Variants in CNOT1 observed in about 807,000 individuals in gnomAD.
CNOT1 encodes the protein CCR4-NOT transcription complex subunit 1.
Under a neutral mutation model 273.8 loss-of-function variants are expected in CNOT1, and 15 were observed. The ratio of observed to expected loss-of-function variants is 0.05; its 90% confidence interval spans 0.04 to 0.08. CNOT1 has a LOEUF of 0.08. CNOT1 is among the 10% of genes least tolerant of loss of function. CNOT1 has a pLI of 1.00. For synonymous variants in CNOT1, 1,022 were observed against 1,005.5 expected (o/e 1.02, Z -0.31); for missense variants, 1,644 against 2,912.2 (o/e 0.56, Z 10.02).
intron 43 of CNOT1, 59 bp downstream of exon 43, chr16:58,530,187 A>G (rs1301069116): frequency 2.2e-6 from 3 of 1,370,882 alleles, no homozygotes; most frequent in Admixed American, 1.9e-5. Context: ...TCAGATTCCT[A>G]AAGTGTATTT....
chr16:58,525,398 T>C, intron 45 of CNOT1, 39 bp from the exon 46 acceptor site: 1 of 1,565,704 alleles, frequency 6.4e-7, no homozygotes, highest in Non-Finnish European at 8.7e-7. Context: ...TGCTTACTCC[T>C]GCAGAGGACC....
Position 58,536,998 on chromosome 16 carries a change from A to G in CNOT1, c.5637T>C (p.Phe1879=). ...GRDSTKAFSA[F]VGQMHQQGIL... Reference sequence around the variant, plus strand: ...TTTCCAAAAGCTCTACCTGTCCAACAAATGCAGAGAAAGCTTTGGTACTGT... The same window carrying G: ...TTTCCAAAAGCTCTACCTGTCCAACGAATGCAGAGAAAGCTTTGGTACTGT... The change falls in exon 39 of 49, where the codon TTT becomes TTC. Residue 1879 remains phenylalanine, a synonymous_variant. Transcript: ENST00000317147. 6.2e-7 allele frequency: 1 copy of G among 1,614,140 alleles called. No homozygotes were observed. Among genetic ancestry groups the G allele is most frequent in the Non-Finnish European group, 8.5e-7 (1 of 1,180,024 alleles).
rs2040313953 is a variant in CNOT1 at position 58,547,944 on chromosome 16, G to T, written c.3523-262C>A. On this transcript the variant is annotated intron_variant, in intron 25 of 48. Transcript: ENST00000317147. This position sits in a 1 kb window ranked among gnomAD's most constrained non-coding sequence, Gnocchi z 4.0. The stretch of plus-strand genomic sequence containing the variant: ...AAACACATTGCACAAAATTCAAAAA[G>T]AACACAAAGTTATGTGCCAGCTATC... 6.6e-6 allele frequency among the ~76,000 whole-genome samples: 1 copy of T among 152,042 alleles called. No individual in the cohort carries two copies. Among genetic ancestry groups the T allele is most frequent in the South Asian group, 2.1e-4 (1 of 4,828 alleles).
chr16:58,550,604 T>C (rs1405276351), intron 24 of CNOT1, among the ~76,000 whole-genome samples: 1 of 152,236 alleles, frequency 6.6e-6, no homozygotes, highest in African/African-American at 2.4e-5. Flanking sequence ...ATCAACTATT[T>C]GTTTTATCAC....
At chr16:58,551,012 A>G in intron 24 of CNOT1, 120 bp downstream of exon 24, 1 of 1,513,054 alleles carries the variant, frequency 6.6e-7, no homozygotes, top group Non-Finnish European at 8.8e-7. Flanking sequence ...TTAAATATAC[A>G]TATTCCCTTT....
intron 13 of CNOT1, among the ~76,000 whole-genome samples, chr16:58,577,354 G>A (rs1039354920): frequency 1.2e-4 from 19 of 152,158 alleles, no homozygotes; most frequent in African/African-American, 4.3e-4. Flanking sequence ...AGACCATCTG[G>A]ACTGCAAATG....
intron 47 of CNOT1, 97 bp downstream of exon 47, chr16:58,523,273 G>T: frequency 1.5e-6 from 2 of 1,320,886 alleles, no homozygotes; most frequent in Non-Finnish European, 2.0e-6. Flanking sequence ...CCAACCAAAC[G>T]GATTTTCACT....
chr16:58,525,975 C>T lies in CNOT1; in HGVS notation c.6603+14G>A. 1 of 1,612,388 alleles carries T rather than the reference C, an allele frequency of 6.2e-7. No individual in the cohort carries two copies. The highest frequency in any genetic ancestry group is 8.5e-7 in the Non-Finnish European group (1 of 1,178,684). On this transcript the variant is annotated intron_variant, in intron 45 of 48. Coordinates refer to ENST00000317147, the MANE Select transcript of CNOT1 (RefSeq NM_016284.5). ...ATGGAAGACGTAGATGAGTTTTAAG[C>T]CAAACCAATTAACCTGTAGGTTGCT... is the stretch of plus-strand genomic sequence containing the variant.
intron 1 of CNOT1, among the ~76,000 whole-genome samples, chr16:58,611,519 G>A (rs376136872): frequency 2.6e-5 from 4 of 152,022 alleles, no homozygotes; most frequent in East Asian, 3.9e-4. Flanking sequence ...CTTGCTAACA[G>A]GTATTAGAAA....
At chr16:58,606,046 ATAC>A (rs1343161057) in intron 1 of CNOT1, among the ~76,000 whole-genome samples, 5 of 152,292 alleles carry the variant, frequency 3.3e-5, no homozygotes, top group South Asian at 4.1e-4. Flanking sequence ...TGACAATAAT[ATAC>A]TACAAGTCAA....
At chr16:58,570,225 G>GTT (rs2041220402) in intron 16 of CNOT1, among the ~76,000 whole-genome samples, 1 of 152,166 alleles carries the variant, frequency 6.6e-6, no homozygotes, top group Non-Finnish European at 1.5e-5. Flanking sequence ...GCTGAAACAA[G>GTT]AAAAATTCAA....
chr16:58,543,093 A>G (rs1305487067), intron 31 of CNOT1: 9 of 1,244,914 alleles, frequency 7.2e-6, no homozygotes, highest in East Asian at 4.6e-5. Context: ...ACCCTGTCTC[A>G]TGAAACATTA....
intron 1 of CNOT1, among the ~76,000 whole-genome samples, chr16:58,616,844 C>A (rs1435450100): frequency 1.3e-5 from 2 of 152,042 alleles, no homozygotes; most frequent in African/African-American, 4.8e-5. Context: ...TCTTCTGTTA[C>A]ATGTGCCATT....
chr16:58,523,244 C>CA (rs1218284204), intron 47 of CNOT1, 126 bp downstream of exon 47: 54 of 1,066,414 alleles, frequency 5.1e-5, no homozygotes, highest in East Asian at 1.8e-4. Flanking sequence ...CACTCCGTCT[C>CA]AAAAAAACAA....
intron 1 of CNOT1, among the ~76,000 whole-genome samples, chr16:58,607,721 C>CAAAAAAAAAAAAAAAAAAA (rs71385179): frequency 1.5e-4 from 10 of 67,142 alleles, no homozygotes; most frequent in South Asian, 6.0e-4. Context: ...CAGCAAAACT[C>CAAAAAAAAAAAAAAAAAAA]AAAAAAAAAA....
intron 16 of CNOT1, among the ~76,000 whole-genome samples, chr16:58,568,353 A>T (rs2041135928): frequency 7.1e-6 from 1 of 139,880 alleles, no homozygotes; most frequent in Non-Finnish European, 1.5e-5. Context: ...GGGCAACAAG[A>T]GCGAAACTCC....
chr16:58,592,186 T>C (rs562334027), intron 2 of CNOT1, among the ~76,000 whole-genome samples: 1 of 152,304 alleles, frequency 6.6e-6, no homozygotes, highest in East Asian at 1.9e-4. Flanking sequence ...AGGATAAATA[T>C]AATCTTAACA....
At chr16:58,590,616 G>C (rs558015540) in intron 2 of CNOT1, among the ~76,000 whole-genome samples, 334 of 151,810 alleles carry the variant, frequency 2.2e-3, no homozygotes, top group Non-Finnish European at 3.8e-3. Context: ...AAATAGAACA[G>C]AGTCTGGGTG....
chr16:58,574,495 C>T (rs2041394358), intron 16 of CNOT1, 114 bp downstream of exon 16: 1 of 1,037,618 alleles, frequency 9.6e-7, no homozygotes, highest in African/African-American at 1.7e-5. Context: ...GGACTTAAAA[C>T]CATTGGACCA....
Sources: allele counts gnomAD v4.1 joint callset (sites outside exome capture counted in the v4.1 genomes callset), GRCh38; gene constraint gnomAD v4.1.1; non-coding constraint Gnocchi (gnomAD v3.1); transcripts MANE v1.5; gene names NCBI Gene and HGNC (gene_info 2026-07-23, HGNC 2026-07-21).